The following TP53BP1 variants were observed in gnomAD, a reference collection of about 807,000 sequenced individuals.
TP53BP1 encodes the protein TP53-binding protein 1.
In TP53BP1, 61 loss-of-function variants were observed where a neutral mutation model predicts 200.8. That is an observed-to-expected ratio of 0.30 (90% CI 0.25 to 0.38). The LOEUF (loss-of-function observed/expected upper bound fraction) is 0.38. Ranked by LOEUF, TP53BP1 falls within the 10% of genes least tolerant of loss-of-function variation. TP53BP1 has a pLI of 1.00. For missense variants in TP53BP1, 2,144 were observed against 2,371.9 expected (o/e 0.90, Z 2.00); for synonymous variants, 822 against 844.3 (o/e 0.97, Z 0.46).
At position 43,407,253 on chromosome 15, in the gene TP53BP1, A is replaced by G. The variant is rs2044931875; in HGVS notation, c.*130T>C. ...GAGATTCAACATTTATTTTATCATA[A>G]AAGTTCAGCAAATAAAACTATATAC... On this transcript the variant is annotated 3_prime_UTR_variant, in exon 28 of 28. Transcript: ENST00000382044. The G allele has an allele frequency of 4.0e-6, 3 of 745,782 alleles. No individual in the cohort carries two copies. The highest frequency in any genetic ancestry group is 2.8e-5 in the Admixed American group (1 of 35,636). 46.2% of individuals were successfully genotyped at this position (745,782 alleles called of 1,614,324 possible). A position where few individuals can be genotyped will look rare whatever the true frequency, so the allele number is the denominator to read the frequency against.
upstream of TP53BP1, among the ~76,000 whole-genome samples, chr15:43,494,584 C>A (rs2079168907): frequency 1.3e-5 from 2 of 152,270 alleles, no homozygotes; most frequent in Admixed American, 1.3e-4. Flanking sequence ...ATCTTAAAAT[C>A]ATTTATAATT....
rs56813954 is a variant in TP53BP1 at position 43,409,748 on chromosome 15, TAAAA to T, written c.5306-11_5306-8del. 1 of 1,223,392 alleles carries T rather than the reference TAAAA, an allele frequency of 8.2e-7. No individual in the cohort carries two copies. The highest frequency in any genetic ancestry group is 2.7e-5 in the East Asian group (1 of 36,390). The allele number at this position is 1,223,392 out of a possible 1,614,324, so 75.8% of individuals were successfully genotyped here. A position where few individuals can be genotyped will look rare whatever the true frequency, so the allele number is the denominator to read the frequency against. On this transcript the variant is annotated splice_region_variant and splice_polypyrimidine_tract_variant and intron_variant, in intron 24 of 27. Transcript: ENST00000382044. ...GGAGGAATTTCCAAAAATTCTATATTAAAAAAAAAAACCAAGATAATAATTACTG... is the reference window on the plus strand; with the variant it reads ...GGAGGAATTTCCAAAAATTCTATATTAAAAAAACCAAGATAATAATTACTG...
rs915062715 is a variant in TP53BP1, at chr15:43,491,662, T to G, written c.371+7A>C. 2 of 1,605,774 alleles carry G rather than the reference T, an allele frequency of 1.2e-6. No homozygotes were observed. The highest frequency in any genetic ancestry group is 2.7e-5 in the African/African-American group (2 of 74,762). ...CATTTAAATAAACCCCTTCAAACAC[T>G]GTATACCTGCTTGTCCTGTTTGGCT... is the stretch of plus-strand genomic sequence containing the variant. On this transcript the variant is annotated splice_region_variant and intron_variant, in intron 4 of 27. Transcript: ENST00000382044.
chr15:43,403,575 G>A lies in TP53BP1; in HGVS notation c.*3808C>T. 2 of 807,558 alleles carry A rather than the reference G, an allele frequency of 2.5e-6. No individual in the cohort carries two copies. Among genetic ancestry groups the A allele is most frequent in the South Asian group, 3.5e-5 (2 of 57,888 alleles). 50.0% of individuals were successfully genotyped at this position (807,558 alleles called of 1,614,324 possible). A position where few individuals can be genotyped will look rare whatever the true frequency, so the allele number is the denominator to read the frequency against. On this transcript the variant is annotated 3_prime_UTR_variant, in exon 28 of 28. Transcript: ENST00000382044. ...AGTGTCTATCCTGTCAGATTTGGGAGGTCAGCTATTAATTAGATCAGCTAT... is the reference window on the plus strand; with the variant it reads ...AGTGTCTATCCTGTCAGATTTGGGAAGTCAGCTATTAATTAGATCAGCTAT...
intron 18 of TP53BP1, among the ~76,000 whole-genome samples, chr15:43,423,992 G>C (rs914864420): frequency 6.6e-6 from 1 of 152,110 alleles, no homozygotes; most frequent in Non-Finnish European, 1.5e-5. Flanking sequence ...AGAATACAAT[G>C]ATGACTCAGC....
intron 4 of TP53BP1, among the ~76,000 whole-genome samples, chr15:43,481,234 C>T (rs946104830): frequency 6.6e-6 from 1 of 151,980 alleles, no homozygotes; most frequent in African/African-American, 2.4e-5. Context: ...AAATAAGGCA[C>T]CAACATACTC....
chr15:43,432,046 C>A, intron 17 of TP53BP1, 148 bp downstream of exon 17: 1 of 1,094,368 alleles, frequency 9.1e-7, no homozygotes, highest in Non-Finnish European at 1.3e-6. Flanking sequence ...ATATCTGTAT[C>A]TTAGAAAAGT....
At chr15:43,425,974 A>G (rs1206825789) in intron 18 of TP53BP1, among the ~76,000 whole-genome samples, 1 of 150,894 alleles carries the variant, frequency 6.6e-6, no homozygotes, top group East Asian at 2.0e-4. Flanking sequence ...CTGAGGCAGG[A>G]GAATGGCGTG....
chr15:43,429,799 T>C (rs978577640), intron 17 of TP53BP1, among the ~76,000 whole-genome samples: 8 of 152,230 alleles, frequency 5.3e-5, no homozygotes, highest in African/African-American at 1.7e-4. Flanking sequence ...AGGTCTGTCC[T>C]ACCTCAATCA....
chr15:43,466,798 A>G (rs1381508065), intron 11 of TP53BP1, among the ~76,000 whole-genome samples: 1 of 152,218 alleles, frequency 6.6e-6, no homozygotes, highest in East Asian at 1.9e-4. Context: ...TCGAGGTTAC[A>G]GTGAGCTATG....
intron 1 of TP53BP1, among the ~76,000 whole-genome samples, chr15:43,501,371 A>G (rs1229833618): frequency 6.6e-6 from 1 of 151,208 alleles, no homozygotes; most frequent in Non-Finnish European, 1.5e-5. Flanking sequence ...GCACCACCAC[A>G]CCTGGCTAAT....
At chr15:43,413,088 T>G in intron 24 of TP53BP1, 31 bp downstream of exon 24, 1 of 1,608,582 alleles carries the variant, frequency 6.2e-7, no homozygotes, top group Non-Finnish European at 8.5e-7. Flanking sequence ...TGCCTATGTG[T>G]CAGAGCTCCC....
intron 7 of TP53BP1, 138 bp downstream of exon 7, chr15:43,479,259 T>G (rs1057280295): frequency 8.3e-6 from 7 of 838,956 alleles, no homozygotes; most frequent in Non-Finnish European, 1.0e-5. Flanking sequence ...ACGTTTCCAA[T>G]GGACCACAAG....
At chr15:43,507,339 TGGCCA>T (rs2079242781) in intron 1 of TP53BP1, among the ~76,000 whole-genome samples, 1 of 152,156 alleles carries the variant, frequency 6.6e-6, no homozygotes, top group Admixed American at 6.5e-5. Flanking sequence ...TTCACCATGT[TGGCCA>T]GGCTGGTCTC....
At chr15:43,453,962 C>G (rs1595574868) in intron 12 of TP53BP1, among the ~76,000 whole-genome samples, 1 of 151,992 alleles carries the variant, frequency 6.6e-6, no homozygotes, top group African/African-American at 2.4e-5. Context: ...AATCCCAGCA[C>G]TTTGGAGGCC....
intron 1 of TP53BP1, among the ~76,000 whole-genome samples, chr15:43,507,722 C>CA (rs1566973514): frequency 1.4e-5 from 2 of 145,042 alleles, no homozygotes; most frequent in Non-Finnish European, 3.0e-5. Context: ...TTTCTTTTTT[C>CA]TTTTTTTTTT....
intron 1 of TP53BP1, among the ~76,000 whole-genome samples, chr15:43,501,938 T>C (rs976309106): frequency 6.6e-6 from 1 of 152,262 alleles, no homozygotes; most frequent in South Asian, 2.1e-4. Flanking sequence ...TTTTCATTTA[T>C]CTTGGGTAGA....
At chr15:43,502,558 C>A (rs947480057) in intron 1 of TP53BP1, among the ~76,000 whole-genome samples, 1 of 151,348 alleles carries the variant, frequency 6.6e-6, no homozygotes, top group Non-Finnish European at 1.5e-5. Flanking sequence ...GGGTTCACAC[C>A]ATTCTCCTGC....
chr15:43,461,333 C>T (rs1175747422), intron 11 of TP53BP1, among the ~76,000 whole-genome samples: 2 of 151,830 alleles, frequency 1.3e-5, no homozygotes, highest in African/African-American at 4.8e-5. Flanking sequence ...GATTCTCTTA[C>T]CTCAGCCTCC....
Sources: allele counts gnomAD v4.1 joint callset (sites outside exome capture counted in the v4.1 genomes callset), GRCh38; gene constraint gnomAD v4.1.1; transcripts MANE v1.5; gene names NCBI Gene and HGNC (gene_info 2026-07-23, HGNC 2026-07-21).